Variants in RMP64 observed in about 807,000 individuals in gnomAD.
The protein encoded by RMP64 is nucleolus and neural progenitor protein.
At chr3:113,014,008 T>C in the RMP64 span, 2 of 1,613,468 alleles carry the variant, frequency 1.2e-6, no homozygotes, top group East Asian at 2.2e-5. Context: ...TTCATGTTTT[T>C]CAAACGCTTT....
chr3:113,013,871 G>A, the RMP64 span: 1 of 993,400 alleles, frequency 1.0e-6, no homozygotes, highest in Non-Finnish European at 1.6e-6. Flanking sequence ...CCAACAGCAA[G>A]CATAGAGAAA....
chr3:113,012,284 G>A, the RMP64 span, among the ~76,000 whole-genome samples: 6 of 152,168 alleles, frequency 3.9e-5, no homozygotes, highest in East Asian at 3.8e-4. Context: ...ATTAGAAACC[G>A]AGTGACAGAA....
the RMP64 span, chr3:113,013,418 A>C: frequency 1.3e-6 from 2 of 1,575,918 alleles, no homozygotes; most frequent in Non-Finnish European, 1.7e-6. Context: ...AAAAAAATAG[A>C]AAAAGTACAT....
the RMP64 span, chr3:113,013,021 T>C: frequency 1.6e-6 from 1 of 614,298 alleles, no homozygotes; most frequent in South Asian, 2.1e-5. Context: ...GTTCTTAAAG[T>C]TTAGTTTCTA....
chr3:113,011,206 A>G, the RMP64 span: 1 of 1,613,248 alleles, frequency 6.2e-7, no homozygotes, highest in Non-Finnish European at 8.5e-7. Flanking sequence ...CAATTTATTT[A>G]TTCCTTTAGC....
At chr3:113,009,177 T>A in the RMP64 span, among the ~76,000 whole-genome samples, 3 of 152,170 alleles carry the variant, frequency 2.0e-5, no homozygotes, top group Non-Finnish European at 2.9e-5. Flanking sequence ...CACCTTTACT[T>A]CTTCAACCCC....
the RMP64 span, chr3:113,003,415 A>G: frequency 6.6e-6 from 1 of 152,190 alleles, no homozygotes; most frequent in Admixed American, 6.5e-5. Context: ...TAGGTAAGTT[A>G]CAGTTTGGTA....
At chr3:113,014,311 A>C in the RMP64 span, 1 of 278,916 alleles carries the variant, frequency 3.6e-6, no homozygotes, top group Admixed American at 5.1e-5. Context: ...AAAGGGACCA[A>C]AACGAGTATA....
chr3:113,016,602 G>A, the RMP64 span, among the ~76,000 whole-genome samples: 1 of 152,114 alleles, frequency 6.6e-6, no homozygotes, highest in Non-Finnish European at 1.5e-5. Context: ...GAAAATTTAG[G>A]GAAAGACCAT....
chr3:113,005,311 A>T, the RMP64 span: 1 of 534,708 alleles, frequency 1.9e-6, no homozygotes, highest in South Asian at 2.3e-5. Flanking sequence ...CAGATTTTTC[A>T]TATTAACACC....
At chr3:113,008,458 T>C in the RMP64 span, 1 of 1,582,206 alleles carries the variant, frequency 6.3e-7, no homozygotes, top group South Asian at 1.1e-5. Context: ...GAGAAAAATA[T>C]ATTGGACATG....
At chr3:113,019,645 C>A in the RMP64 span, 1 of 1,612,666 alleles carries the variant, frequency 6.2e-7, no homozygotes, top group Non-Finnish European at 8.5e-7. Context: ...CCGCAGCCAT[C>A]ATGCGAGGCG....
At chr3:113,011,363 C>A in the RMP64 span, 1 of 1,600,110 alleles carries the variant, frequency 6.2e-7, no homozygotes, top group East Asian at 2.2e-5. Flanking sequence ...AACAAAGGCT[C>A]ATATAACAAA....
At chr3:113,007,970 T>G in the RMP64 span, among the ~76,000 whole-genome samples, 1 of 152,192 alleles carries the variant, frequency 6.6e-6, no homozygotes, top group Non-Finnish European at 1.5e-5. Flanking sequence ...GAAGTCCAAT[T>G]AACTTGTTTA....
chr3:113,019,081 A>T, the RMP64 span: 66 of 175,014 alleles, frequency 3.8e-4, no homozygotes, highest in Admixed American at 1.3e-3. Flanking sequence ...TTCACAGATA[A>T]GCAGATAGAG....
chr3:113,017,301 A>G, the RMP64 span: 1 of 547,398 alleles, frequency 1.8e-6, no homozygotes, highest in East Asian at 3.1e-5. Flanking sequence ...AAGAAAGTGC[A>G]CATGTAACTG....
At chr3:113,010,701 T>C in the RMP64 span, 14 of 1,612,886 alleles carry the variant, frequency 8.7e-6, no homozygotes, top group Non-Finnish European at 1.2e-5. Context: ...TTCTGATGAC[T>C]CTTCTGTGGA....
At chr3:113,015,728 A>G in the RMP64 span, among the ~76,000 whole-genome samples, 1 of 152,182 alleles carries the variant, frequency 6.6e-6, no homozygotes, top group Non-Finnish European at 1.5e-5. Context: ...CAGCAGTAAC[A>G]TAAGCATAAA....
chr3:113,011,332 G>A, the RMP64 span: 3 of 1,613,136 alleles, frequency 1.9e-6, no homozygotes, highest in Non-Finnish European at 2.5e-6. Flanking sequence ...TTGAATCCTA[G>A]CGACCTCTTG....
Sources: allele counts gnomAD v4.1 joint callset (sites outside exome capture counted in the v4.1 genomes callset), GRCh38; gene constraint gnomAD v4.1.1; transcripts MANE v1.5; gene names NCBI Gene and HGNC (gene_info 2026-07-23, HGNC 2026-07-21).